RBM12: variants seen among roughly 807,000 people sequenced by gnomAD.
RBM12 encodes the protein RNA binding motif protein 12.
A neutral mutation model predicts 37.2 loss-of-function variants in RBM12; 24 were observed. That is an observed-to-expected ratio of 0.65 (90% CI 0.47 to 0.91). The LOEUF (loss-of-function observed/expected upper bound fraction) is 0.91. Among genes scored for constraint, RBM12 ranks in the 40% least tolerant of loss-of-function variants. The probability of loss-of-function intolerance (pLI) is 0.00; values close to 1 mark genes in which losing one functional copy is unlikely to be tolerated. For synonymous variants in RBM12, 420 were observed against 425.2 expected (o/e 0.99, Z 0.15); for missense variants, 1,061 against 1,183.2 (o/e 0.90, Z 1.52).
rs553540688 is a variant in RBM12 at position 35,655,469 on chromosome 20, T to C, written c.-22-125A>G. 2.6e-5 allele frequency: 21 copies of C among 796,564 alleles called. 1 individual carries two copies. The South Asian group carries it at 3.6e-4, about 13-fold the overall frequency. The allele number at this position is 796,564 out of a possible 1,614,324, so 49.3% of individuals were successfully genotyped here. ...TTCCCTCAAGCTATCACAGGCAATG[T>C]CTTTAATTTAGATATTCTAAAAACT... On this transcript the variant is annotated intron_variant, in intron 2 of 2. Transcript: ENST00000374114.
At chr20:35,660,736 T>C (rs2034185666) in intron 1 of RBM12, among the ~76,000 whole-genome samples, 1 of 152,206 alleles carries the variant, frequency 6.6e-6, no homozygotes, top group Non-Finnish European at 1.5e-5. Flanking sequence ...AATAAACATC[T>C]GATCCCTACT....
At chr20:35,655,434 C>T in intron 2 of RBM12, 90 bp from the exon 3 acceptor site, 4 of 1,104,010 alleles carry the variant, frequency 3.6e-6, no homozygotes, top group Non-Finnish European at 5.1e-6. Context: ...CCATATTAGG[C>T]CCTCAAATAT....
chr20:35,658,331 GCTA>G (rs541515347), intron 2 of RBM12, among the ~76,000 whole-genome samples: 2 of 152,140 alleles, frequency 1.3e-5, no homozygotes, highest in Non-Finnish European at 2.9e-5. Context: ...AGTCTAAAAT[GCTA>G]CTAAGGAATA....
At chr20:35,659,928 GACT>G in intron 1 of RBM12, among the ~76,000 whole-genome samples, 1 of 152,098 alleles carries the variant, frequency 6.6e-6, no homozygotes, top group South Asian at 2.1e-4. Flanking sequence ...GATTACCTAC[GACT>G]ACTTTTCCAA....
chr20:35,661,659 T>C (rs1441961294), intron 1 of RBM12, among the ~76,000 whole-genome samples: 1 of 152,166 alleles, frequency 6.6e-6, no homozygotes, highest in African/African-American at 2.4e-5. Context: ...CTACAAAAAT[T>C]TAACATATTA....
chr20:35,658,913 T>C lies in RBM12; in HGVS notation c.-23+17A>G, dbSNP rs976825639. 4.2e-6 allele frequency: 3 copies of C among 713,310 alleles called. No homozygotes were observed. The highest frequency in any genetic ancestry group is 2.0e-5 in the Admixed American group (1 of 48,838). 44.2% of individuals were successfully genotyped at this position (713,310 alleles called of 1,614,324 possible). ...TTATTTTGTATAAAAACGAACTCTCTATTCAAAATCTCTTACCTGATAAAA... is the reference window on the plus strand; with the variant it reads ...TTATTTTGTATAAAAACGAACTCTCCATTCAAAATCTCTTACCTGATAAAA... On this transcript the variant is annotated intron_variant, in intron 2 of 2. Coordinates refer to ENST00000374114, the MANE Select transcript of RBM12 (RefSeq NM_006047.6).
chr20:35,659,359 C>T (rs1381168232), intron 1 of RBM12, among the ~76,000 whole-genome samples: 5 of 152,156 alleles, frequency 3.3e-5, no homozygotes, highest in Non-Finnish European at 5.9e-5. Context: ...CAGAAAACTC[C>T]GTAACACAAG....
At position 35,660,686 on chromosome 20, in the gene RBM12, A is replaced by G. The variant is rs187245399; in HGVS notation, c.-107-1672T>C. On this transcript the variant is annotated intron_variant, in intron 1 of 2. Coordinates refer to ENST00000374114, the MANE Select transcript of RBM12 (RefSeq NM_006047.6). ...ATTTATGTACAGGTTTGACTCCAGCAGCCACATAACAGGGTAACTTTCTAG... is the reference window on the plus strand; with the variant it reads ...ATTTATGTACAGGTTTGACTCCAGCGGCCACATAACAGGGTAACTTTCTAG... Among the ~76,000 whole-genome samples the G allele has an allele frequency of 1.6e-4, 24 of 152,370 alleles. No individual in the cohort carries two copies. In the East Asian group the frequency reaches 4.4e-3, roughly 28 times the overall value.
In RBM12 at chr20:35,649,471, C is replaced by T. The variant is rs6060537; in HGVS notation, c.*3053G>A. 6.6e-6 allele frequency: 1 copy of T among 152,572 alleles called. No individual in the cohort carries two copies. Among genetic ancestry groups the T allele is most frequent in the Admixed American group, 6.5e-5 (1 of 15,280 alleles). The allele number at this position is 152,572 out of a possible 1,614,324, so 9.5% of individuals were successfully genotyped here. A position where few individuals can be genotyped will look rare whatever the true frequency, so the allele number is the denominator to read the frequency against. ...CCTTAACTACACTGAATATTACTAC[C>T]TGAAATTTTAAATAAAGTTTCCTAA... On this transcript the variant is annotated 3_prime_UTR_variant, in exon 3 of 3. Transcript: ENST00000374114.
intron 1 of RBM12, among the ~76,000 whole-genome samples, chr20:35,661,343 G>A (rs2034220928): frequency 6.6e-6 from 1 of 152,212 alleles, no homozygotes; most frequent in African/African-American, 2.4e-5. Flanking sequence ...GCGACTGAAT[G>A]CAGGATTTCA....
At chr20:35,659,462 G>C (rs1292388145) in intron 1 of RBM12, among the ~76,000 whole-genome samples, 1 of 152,102 alleles carries the variant, frequency 6.6e-6, no homozygotes, top group East Asian at 1.9e-4. Flanking sequence ...CAATTCAAGG[G>C]TACTCATGGA....
chr20:35,664,404 G>C (rs1165728776), intron 1 of RBM12: 2 of 152,300 alleles, frequency 1.3e-5, no homozygotes, highest in East Asian at 1.9e-4. Context: ...CACTGGGGGA[G>C]ACAAGAAATC....
chr20:35,658,386 C>T (rs2034025599), intron 2 of RBM12, among the ~76,000 whole-genome samples: 1 of 152,134 alleles, frequency 6.6e-6, no homozygotes, highest in Admixed American at 6.5e-5. Context: ...TAAATAGATC[C>T]ATATAAATGA....
chr20:35,662,516 C>T (rs1161948026), intron 1 of RBM12, among the ~76,000 whole-genome samples: 2 of 152,126 alleles, frequency 1.3e-5, no homozygotes, highest in East Asian at 1.9e-4. Context: ...GTGGGCCAGA[C>T]AAAAGATATA....
At chr20:35,660,969 T>A (rs6058293) in intron 1 of RBM12, among the ~76,000 whole-genome samples, 39,358 of 152,160 alleles carry the variant, frequency 0.26, 5,912 homozygotes, top group African/African-American at 0.43. Flanking sequence ...AAAAGGAAGA[T>A]ATTTCTCATT....
Position 35,652,785 on chromosome 20 carries a change from A to T in RBM12, c.2538T>A (p.Phe846Leu). The T allele has an allele frequency of 6.2e-7, 1 of 1,610,640 alleles. No individual in the cohort carries two copies. The highest frequency in any genetic ancestry group is 1.7e-5 in the Admixed American group (1 of 59,612). The change falls in exon 3 of 3, where the codon TTT becomes TTA. Residue 846 changes from phenylalanine (F) to leucine (L), a missense_variant. Physicochemically the swap from Phe to Leu is conservative, Grantham distance 22. Coordinates refer to ENST00000374114, the MANE Select transcript of RBM12 (RefSeq NM_006047.6). ...GTCCTGGTTTTCCAGAACTAGATGCAAAGCCAGGGGGACCACCAATATGGA... is the reference window on the plus strand; with the variant it reads ...GTCCTGGTTTTCCAGAACTAGATGCTAAGCCAGGGGGACCACCAATATGGA... ...GPIHIGGPPG[F>L]ASSSGKPGPT...
intron 2 of RBM12, 119 bp from the exon 3 acceptor site, chr20:35,655,463 G>A: frequency 4.9e-6 from 4 of 815,804 alleles, no homozygotes; most frequent in Admixed American, 3.2e-5. Flanking sequence ...GCTATCACAG[G>A]CAATGTCTTT....
chr20:35,664,433 G>A (rs1477406329), intron 1 of RBM12: 2 of 152,348 alleles, frequency 1.3e-5, no homozygotes, highest in East Asian at 3.8e-4. Context: ...TCGGGATGTA[G>A]GCGTGTTTTT....
chr20:35,659,200 T>C (rs545093248), intron 1 of RBM12, among the ~76,000 whole-genome samples, 186 bp from the exon 2 acceptor site: 5 of 151,114 alleles, frequency 3.3e-5, no homozygotes, highest in East Asian at 1.9e-4. Flanking sequence ...TTAGTTGGTA[T>C]TGCTTTCAAA....
Sources: gnomAD v4.1 joint callset for allele counts (sites outside exome capture counted in the v4.1 genomes callset) on GRCh38, gnomAD v4.1.1 for gene constraint, MANE v1.5 for transcripts, NCBI Gene and HGNC (gene_info 2026-07-23, HGNC 2026-07-21) for gene names.